SRRM4: variants seen among roughly 807,000 people sequenced by gnomAD.
SRRM4 encodes serine/arginine repetitive matrix protein 4.
Under a neutral mutation model 68.9 loss-of-function variants are expected in SRRM4, and 33 were observed. The observed-to-expected ratio is 0.48, with a 90% CI of 0.36 to 0.64. SRRM4 has a LOEUF of 0.64. Among genes scored for constraint, SRRM4 ranks in the 30% least tolerant of loss-of-function variants. The pLI is 0.00. For synonymous variants in SRRM4, 318 were observed against 318.8 expected, an observed-to-expected ratio of 1.00 and a Z score of 0.03; for missense variants, 817 against 827.1, an observed-to-expected ratio of 0.99 and a Z score of 0.15.
chr12:118,984,445 C>G (rs937202877), intron 1 of SRRM4, among the ~76,000 whole-genome samples: 1 of 152,224 alleles, frequency 6.6e-6, no homozygotes, highest in East Asian at 1.9e-4. Context: ...TCACAGTCGG[C>G]AAACCAGCAC....
At chr12:119,150,031 A>G (rs1231035443) in intron 9 of SRRM4, among the ~76,000 whole-genome samples, 1 of 152,168 alleles carries the variant, frequency 6.6e-6, no homozygotes, top group Non-Finnish European at 1.5e-5. Flanking sequence ...GGTTACATCA[A>G]AATTTCCCAA....
At position 119,159,012 on chromosome 12, in the gene SRRM4, TGTGTG is replaced by T. The variant is rs1954492135; in HGVS notation, c.*2215_*2219del. The T allele has an allele frequency of 1.5e-5, 2 of 130,998 alleles. No individual in the cohort carries two copies. The highest frequency in any genetic ancestry group is 5.0e-4 in the South Asian group (2 of 4,022). The allele number at this position is 130,998 out of a possible 1,614,324, so 8.1% of individuals were successfully genotyped here. A position where few individuals can be genotyped will look rare whatever the true frequency, so the allele number is the denominator to read the frequency against. The stretch of plus-strand genomic sequence containing the variant: ...GTGTGTGTGTGTGTGTGTGTGTGTG[TGTGTG>T]TTGGGGGGATCTCCTAAATTATTTC... On this transcript the variant is annotated 3_prime_UTR_variant, in exon 13 of 13. Coordinates refer to ENST00000267260, the MANE Select transcript of SRRM4 (RefSeq NM_194286.4).
intron 1 of SRRM4, among the ~76,000 whole-genome samples, chr12:119,065,069 G>A (rs916109288): frequency 5.3e-5 from 8 of 152,084 alleles, no homozygotes; most frequent in African/African-American, 1.7e-4. Context: ...ACTTCAATGA[G>A]GTGGGTACTA....
At chr12:119,106,588 A>G (rs1954109058) in intron 2 of SRRM4, among the ~76,000 whole-genome samples, 1 of 152,120 alleles carries the variant, frequency 6.6e-6, no homozygotes, top group South Asian at 2.1e-4. Context: ...ATGGGAGTTC[A>G]CTCATGATTT....
In SRRM4 at chr12:118,991,068, G is replaced by T. The variant is rs147161642; in HGVS notation, c.131+9055G>T. Reference sequence around the variant, plus strand: ...GATCCACCCTCCTCGGCCTTCCAAAGTACTGGGATTACAGGTGTGAGCCAC... The same window carrying T: ...GATCCACCCTCCTCGGCCTTCCAAATTACTGGGATTACAGGTGTGAGCCAC... On this transcript the variant is annotated intron_variant, in intron 1 of 12. Transcript: ENST00000267260. Among the ~76,000 whole-genome samples the T allele has an allele frequency of 4.6e-3, 694 of 152,280 alleles. 10 individuals are homozygous for T. Among genetic ancestry groups the T allele is most frequent in the African/African-American group, 0.016 (652 of 41,546 alleles).
chr12:119,087,847 A>G (rs1953989011), intron 1 of SRRM4, among the ~76,000 whole-genome samples: 1 of 152,058 alleles, frequency 6.6e-6, no homozygotes, highest in Non-Finnish European at 1.5e-5. Flanking sequence ...CCTTGAGAAC[A>G]CTGGGCTCCC....
At chr12:119,018,632 A>C (rs1020428356) in intron 1 of SRRM4, among the ~76,000 whole-genome samples, 2 of 152,156 alleles carry the variant, frequency 1.3e-5, no homozygotes, top group East Asian at 1.9e-4. Flanking sequence ...CAGAAAAGAG[A>C]GAGGTAGAGA....
rs1276175859 is a variant in SRRM4, at chr12:119,125,432, C to G, written c.567C>G (p.Pro189=). ...ACCGCCACCGCCATCACCGCTGCCC[C>G]TCGCGGTCCCAGAGCTCGGAGTCCC... ...KSHRHRHHRC[P]SRSQSSESRP... Residue 189 remains proline, a synonymous_variant, in exon 7 of 13, where the codon CCC becomes CCG. Coordinates refer to ENST00000267260, the MANE Select transcript of SRRM4 (RefSeq NM_194286.4). 2 of 1,613,716 alleles carry G rather than the reference C, an allele frequency of 1.2e-6. No individual in the cohort carries two copies. The highest frequency in any genetic ancestry group is 4.5e-5 in the East Asian group (2 of 44,834).
chr12:119,145,766 C>T (rs879174297), intron 9 of SRRM4, 81 bp downstream of exon 9: 3 of 1,162,474 alleles, frequency 2.6e-6, no homozygotes, highest in Non-Finnish European at 3.4e-6. Context: ...CAGCCTCCCC[C>T]ACTCCACCCC....
chr12:119,088,929 G>A (rs922343916), intron 1 of SRRM4, among the ~76,000 whole-genome samples: 3 of 152,200 alleles, frequency 2.0e-5, no homozygotes, highest in African/African-American at 7.2e-5. Context: ...AGCACTTTGC[G>A]TGCATCATCT....
chr12:119,110,122 C>T (rs181254111), intron 2 of SRRM4, among the ~76,000 whole-genome samples: 177 of 152,316 alleles, frequency 1.2e-3, no homozygotes, highest in African/African-American at 4.0e-3. Flanking sequence ...GTATCACCAG[C>T]GGAGGCTGCA....
chr12:119,026,805 G>A (rs994711139), intron 1 of SRRM4, among the ~76,000 whole-genome samples: 21 of 152,030 alleles, frequency 1.4e-4, no homozygotes, highest in African/African-American at 5.1e-4. Flanking sequence ...CCAAAGTGCT[G>A]GGATTACAGG....
intron 1 of SRRM4, among the ~76,000 whole-genome samples, chr12:119,056,388 G>A (rs1453251960): frequency 6.6e-6 from 1 of 152,182 alleles, no homozygotes; most frequent in Admixed American, 6.6e-5. Flanking sequence ...TTTGCTGATG[G>A]AGAAACCAAA....
chr12:119,098,842 CA>C (rs1255741374), intron 1 of SRRM4, among the ~76,000 whole-genome samples: 1 of 152,202 alleles, frequency 6.6e-6, no homozygotes, highest in Non-Finnish European at 1.5e-5. Flanking sequence ...GTACTACTTT[CA>C]AAATTTCTTA....
chr12:119,065,938 T>A (rs959904821), intron 1 of SRRM4, among the ~76,000 whole-genome samples: 1 of 152,030 alleles, frequency 6.6e-6, no homozygotes, highest in African/African-American at 2.4e-5. Flanking sequence ...ATTTTCCACT[T>A]AATAGAAGAA....
intron 1 of SRRM4, among the ~76,000 whole-genome samples, chr12:119,072,249 T>C (rs552095717): frequency 6.6e-6 from 1 of 152,174 alleles, no homozygotes; most frequent in Non-Finnish European, 1.5e-5. Context: ...TTCCCCCTAC[T>C]TATTCACTCC....
At chr12:119,022,019 G>A (rs1268041463) in intron 1 of SRRM4, among the ~76,000 whole-genome samples, 2 of 152,066 alleles carry the variant, frequency 1.3e-5, no homozygotes, top group Non-Finnish European at 2.9e-5. Flanking sequence ...AACACACATT[G>A]GGGCCTGTTG....
chr12:119,017,491 T>C (rs1953489139), intron 1 of SRRM4, among the ~76,000 whole-genome samples: 1 of 152,124 alleles, frequency 6.6e-6, no homozygotes, highest in Non-Finnish European at 1.5e-5. Flanking sequence ...AGCGGGCAGA[T>C]GGCTGCTGCA....
rs1003694147 is a variant in SRRM4, at chr12:119,095,190, A to G, written c.132-7046A>G. ...CAAGACCTCAGGCCAGGACATTATT[A>G]ACACAGCCCAGACTGAGGTCCCAGG... On this transcript the variant is annotated intron_variant, in intron 1 of 12. Transcript: ENST00000267260. Among the ~76,000 whole-genome samples the G allele has an allele frequency of 5.9e-5, 9 of 152,340 alleles. 1 individual carries two copies. In the South Asian group the frequency reaches 6.2e-4, roughly 11 times the overall value.
Sources: gnomAD v4.1 joint callset for allele counts (sites outside exome capture counted in the v4.1 genomes callset) on GRCh38, gnomAD v4.1.1 for gene constraint, MANE v1.5 for transcripts, NCBI Gene and HGNC (gene_info 2026-07-23, HGNC 2026-07-21) for gene names.